MRPS9: variants seen among roughly 807,000 people sequenced by gnomAD.
MRPS9 encodes the protein small ribosomal subunit protein uS9m.
A neutral mutation model predicts 59.9 loss-of-function variants in MRPS9; 45 were observed. The observed-to-expected ratio is 0.75, with a 90% CI of 0.59 to 0.96. The LOEUF (loss-of-function observed/expected upper bound fraction) is 0.96, where lower values mean the gene tolerates loss of function less well. Among genes scored for constraint, MRPS9 ranks in the 40% least tolerant of loss-of-function variants. The pLI is 0.00. For missense variants in MRPS9, 473 were observed against 481.1 expected (o/e 0.98, Z 0.16); for synonymous variants, 171 against 166.8 (o/e 1.03, Z -0.19).
At chr2:105,073,747 A>T (rs1190966497) in intron 4 of MRPS9, among the ~76,000 whole-genome samples, 1 of 152,176 alleles carries the variant, frequency 6.6e-6, no homozygotes, top group Non-Finnish European at 1.5e-5. Flanking sequence ...GAGTGTGAGG[A>T]ATACTTCAAC....
At chr2:105,050,286 C>T (rs763325728) in intron 2 of MRPS9, among the ~76,000 whole-genome samples, 7 of 152,102 alleles carry the variant, frequency 4.6e-5, no homozygotes, top group Non-Finnish European at 5.9e-5. Flanking sequence ...CTTACAGGCA[C>T]GCACCACCAT....
intron 1 of MRPS9, among the ~76,000 whole-genome samples, chr2:105,043,214 G>A (rs1053371205): frequency 1.3e-5 from 2 of 152,120 alleles, no homozygotes; most frequent in Non-Finnish European, 2.9e-5. Context: ...GGGTTTATGC[G>A]TTTTATTTGA....
chr2:105,090,588 C>T (rs1397508601), intron 7 of MRPS9, among the ~76,000 whole-genome samples: 3 of 152,220 alleles, frequency 2.0e-5, no homozygotes, highest in Non-Finnish European at 2.9e-5. Flanking sequence ...ACCAACTTTC[C>T]AGGCGAATCT....
chr2:105,084,916 T>C (rs973649472), intron 5 of MRPS9, among the ~76,000 whole-genome samples: 12 of 152,196 alleles, frequency 7.9e-5, no homozygotes, highest in African/African-American at 2.9e-4. Flanking sequence ...CAACATATTA[T>C]TGTCTCTATG....
chr2:105,084,509 G>A (rs1680411581), intron 5 of MRPS9, among the ~76,000 whole-genome samples: 1 of 152,130 alleles, frequency 6.6e-6, no homozygotes. Context: ...CTTAGCAGAA[G>A]TCCTGGGGAC....
rs1396033822 is a variant in MRPS9 at position 105,049,360 on chromosome 2, G to C, written c.315+10G>C. 6.3e-7 allele frequency: 1 copy of C among 1,595,864 alleles called. No homozygotes were observed. The highest frequency in any genetic ancestry group is 1.4e-5 in the African/African-American group (1 of 73,520). On this transcript the variant is annotated intron_variant, in intron 2 of 10. Transcript: ENST00000258455. ...TCAAGAAGATATTGACGTAAGTACA[G>C]TTACTCTGTTGAAAAAGTAATTGCT...
chr2:105,070,017 AAG>A (rs1327432736), intron 2 of MRPS9, among the ~76,000 whole-genome samples: 1 of 152,140 alleles, frequency 6.6e-6, no homozygotes, highest in Non-Finnish European at 1.5e-5. Context: ...GATCTAATAA[AAG>A]AAAAAGTCTA....
intron 8 of MRPS9, 42 bp from the exon 9 acceptor site, chr2:105,093,488 G>C: frequency 8.3e-7 from 1 of 1,200,530 alleles, no homozygotes; most frequent in Non-Finnish European, 1.2e-6. Context: ...CAAAGCGCAG[G>C]TCTTCAAGAT....
At chr2:105,072,372 A>G (rs932103587) in intron 4 of MRPS9, among the ~76,000 whole-genome samples, 1 of 151,490 alleles carries the variant, frequency 6.6e-6, no homozygotes, top group Non-Finnish European at 1.5e-5. Context: ...TTGTATTTCT[A>G]CAGATTCTTC....
At chr2:105,094,211 TAAG>T (rs1207038913) in intron 9 of MRPS9, among the ~76,000 whole-genome samples, 1 of 152,220 alleles carries the variant, frequency 6.6e-6, no homozygotes, top group Non-Finnish European at 1.5e-5. Flanking sequence ...TGGGTTAAAA[TAAG>T]AACTCATCAG....
chr2:105,039,511 G>GT (rs1264855573), intron 1 of MRPS9, among the ~76,000 whole-genome samples: 1 of 151,984 alleles, frequency 6.6e-6, no homozygotes, highest in Non-Finnish European at 1.5e-5. Flanking sequence ...ATTCTTCTAT[G>GT]TTTTTTCCAT....
rs559205618 is a variant in MRPS9 at position 105,088,235 on chromosome 2, A to T, written c.490-749A>T. The stretch of plus-strand genomic sequence containing the variant: ...TAAATGAATAAATACAAATGTATTG[A>T]GTGTTAGTCTCAAAAAGTTAAGTTT... On this transcript the variant is annotated intron_variant, in intron 5 of 10. Coordinates refer to ENST00000258455, the MANE Select transcript of MRPS9 (RefSeq NM_182640.3). Among the ~76,000 whole-genome samples the T allele has an allele frequency of 1.2e-4, 19 of 152,290 alleles. 1 individual carries two copies. The South Asian group carries it at 3.9e-3, about 32-fold the overall frequency.
At position 105,080,062 on chromosome 2, in the gene MRPS9, T is replaced by A; in HGVS notation, c.489T>A (p.His163Gln). The A allele has an allele frequency of 6.3e-7, 1 of 1,579,464 alleles. No homozygotes were observed. Among genetic ancestry groups the A allele is most frequent in the Non-Finnish European group, 8.7e-7 (1 of 1,151,724 alleles). Reference sequence around the variant, plus strand: ...AACAGTCATACTATTCATTAATGCATGTAAGTATATTGCATTTATGATAAA... The same window carrying A: ...AACAGTCATACTATTCATTAATGCAAGTAAGTATATTGCATTTATGATAAA... ...TGKQSYYSLM[H>Q]DVYGMLLNLE... Residue 163 changes from histidine to glutamine, a missense_variant and splice_region_variant, in exon 5 of 11, where the codon CAT becomes CAA. Transcript: ENST00000258455.
intron 2 of MRPS9, among the ~76,000 whole-genome samples, chr2:105,062,183 C>T (rs1490592901): frequency 6.6e-6 from 1 of 152,108 alleles, no homozygotes; most frequent in Non-Finnish European, 1.5e-5. Flanking sequence ...CTTACATTTT[C>T]CTACTCCTTC....
intron 1 of MRPS9, chr2:105,038,436 G>A (rs1679433683): frequency 1.6e-6 from 1 of 610,572 alleles, no homozygotes; most frequent in Non-Finnish European, 2.8e-6. Flanking sequence ...TTTGCGGGGT[G>A]CAGCGAGGGG....
At chr2:105,084,247 A>AAAATATAT (rs1553443276) in intron 5 of MRPS9, among the ~76,000 whole-genome samples, 3 of 139,594 alleles carry the variant, frequency 2.1e-5, no homozygotes, top group African/African-American at 7.9e-5. Flanking sequence ...TATATACCAA[A>AAAATATAT]ATATATATAT....
At chr2:105,062,296 A>G (rs1440280053) in intron 2 of MRPS9, among the ~76,000 whole-genome samples, 1 of 152,262 alleles carries the variant, frequency 6.6e-6, no homozygotes, top group East Asian at 1.9e-4. Context: ...TTAAGATAGT[A>G]AAGTTAGGCT....
chr2:105,039,106 A>G (rs747392077), intron 1 of MRPS9, among the ~76,000 whole-genome samples: 7 of 152,224 alleles, frequency 4.6e-5, no homozygotes, highest in Non-Finnish European at 1.0e-4. Flanking sequence ...GGGACCAAAG[A>G]AGCAGGAGAG....
At chr2:105,080,465 A>G (rs906121774) in intron 5 of MRPS9, among the ~76,000 whole-genome samples, 3 of 152,228 alleles carry the variant, frequency 2.0e-5, no homozygotes, top group East Asian at 1.9e-4. Flanking sequence ...TTTTATATAT[A>G]TATAATTTTT....
Sources: allele counts gnomAD v4.1 joint callset (sites outside exome capture counted in the v4.1 genomes callset), GRCh38; gene constraint gnomAD v4.1.1; transcripts MANE v1.5; gene names NCBI Gene and HGNC (gene_info 2026-07-23, HGNC 2026-07-21).